CAMTA1: variants seen among roughly 807,000 people sequenced by gnomAD.
CAMTA1 encodes calmodulin-binding transcription activator 1.
A neutral mutation model predicts 170.9 loss-of-function variants in CAMTA1; 27 were observed. The observed-to-expected ratio is 0.16, with a 90% CI of 0.12 to 0.22. The LOEUF is 0.22. CAMTA1 is among the 10% of genes least tolerant of loss of function. The pLI, the probability that CAMTA1 is intolerant of heterozygous loss-of-function variation, is 1.00. For missense variants in CAMTA1, 1,619 were observed against 2,217.2 expected (o/e 0.73, Z 5.42); for synonymous variants, 833 against 891.5 (o/e 0.93, Z 1.17).
chr1:7,651,240 C>T (rs183456769), intron 7 of CAMTA1, among the ~76,000 whole-genome samples: 8 of 152,236 alleles, frequency 5.3e-5, no homozygotes, highest in African/African-American at 7.2e-5. Context: ...GTGGACTGGA[C>T]GAGCCCAGAT....
intron 4 of CAMTA1, among the ~76,000 whole-genome samples, chr1:7,167,953 T>A (rs1648823440): frequency 6.6e-6 from 1 of 152,094 alleles, no homozygotes; most frequent in South Asian, 2.1e-4. Context: ...CTCACTATGT[T>A]GCCCAGACTG....
At chr1:7,189,627 A>G (rs1160599987) in intron 4 of CAMTA1, among the ~76,000 whole-genome samples, 1 of 152,236 alleles carries the variant, frequency 6.6e-6, no homozygotes, top group African/African-American at 2.4e-5. Flanking sequence ...AAAAAATCAA[A>G]CAATAATAGA....
intron 4 of CAMTA1, among the ~76,000 whole-genome samples, chr1:7,152,281 C>A (rs79870337): frequency 0.059 from 9,011 of 152,182 alleles, 375 homozygotes; most frequent in Non-Finnish European, 0.09. Context: ...GAAGCAGTAG[C>A]TCCTACATCT....
chr1:7,088,054 C>A (rs938823210), intron 3 of CAMTA1, among the ~76,000 whole-genome samples: 1 of 152,184 alleles, frequency 6.6e-6, no homozygotes, highest in African/African-American at 2.4e-5. Flanking sequence ...TGGCATTATA[C>A]GGGTAACTCA....
At chr1:7,079,200 T>C (rs1639693150) in intron 3 of CAMTA1, among the ~76,000 whole-genome samples, 1 of 152,100 alleles carries the variant, frequency 6.6e-6, no homozygotes, top group Non-Finnish European at 1.5e-5. Context: ...ATTTCTGGAG[T>C]AAAACGTGCT....
rs139198687 is a variant in CAMTA1 at position 7,142,551 on chromosome 1, G to A, written c.302+51180G>A. Among the ~76,000 whole-genome samples, 168 of 152,294 alleles carry A rather than the reference G, an allele frequency of 1.1e-3. 1 individual carries two copies. The highest frequency in any genetic ancestry group is 7.0e-3 in the East Asian group (36 of 5,178). ...ACCTAATGGGAGATGTTTGTGTCACGGGGTGGATCCTTCATGAATGGCTTG... is the reference window on the plus strand; with the variant it reads ...ACCTAATGGGAGATGTTTGTGTCACAGGGTGGATCCTTCATGAATGGCTTG... On this transcript the variant is annotated intron_variant, in intron 4 of 22. Transcript: ENST00000303635.
Position 7,634,824 on chromosome 1 carries a change from G to C in CAMTA1, c.511-5576G>C, listed in dbSNP as rs747467636. Among the ~76,000 whole-genome samples, 1 of 152,114 alleles carries C rather than the reference G, an allele frequency of 6.6e-6. No homozygotes were observed. The highest frequency in any genetic ancestry group is 1.5e-5 in the Non-Finnish European group (1 of 68,000). On this transcript the variant is annotated intron_variant, in intron 6 of 22. Coordinates refer to ENST00000303635, the MANE Select transcript of CAMTA1 (RefSeq NM_015215.4). This position sits in a 1 kb window ranked among gnomAD's most constrained non-coding sequence, Gnocchi z 6.2. ...TGGTGGTGGTTGGTGGTGGTAGAGC[G>C]GGGCCTCTGTCTCTCCTGACGACAT...
intron 5 of CAMTA1, among the ~76,000 whole-genome samples, chr1:7,421,062 T>C (rs952924239): frequency 6.6e-6 from 1 of 152,212 alleles, no homozygotes; most frequent in African/African-American, 2.4e-5. Flanking sequence ...GGCTGTCTTC[T>C]GGCCTTCATC....
intron 5 of CAMTA1, among the ~76,000 whole-genome samples, chr1:7,377,684 G>T (rs2149042189): frequency 6.6e-6 from 1 of 152,248 alleles, no homozygotes; most frequent in South Asian, 2.1e-4. Flanking sequence ...TTTTGAGGAG[G>T]CCGAGGCAGG....
chr1:7,655,014 AC>A (rs1209160844), intron 7 of CAMTA1, among the ~76,000 whole-genome samples: 2 of 148,040 alleles, frequency 1.4e-5, no homozygotes, highest in Admixed American at 6.7e-5. Flanking sequence ...CTATACACAC[AC>A]CCCTATATAC....
intron 5 of CAMTA1, among the ~76,000 whole-genome samples, chr1:7,334,096 C>CTT (rs1309470969): frequency 1.3e-5 from 2 of 152,122 alleles, no homozygotes; most frequent in Non-Finnish European, 2.9e-5. Context: ...TAAAATAGTA[C>CTT]TTTAGATCTC....
chr1:7,608,107 G>C (rs1004318872), intron 6 of CAMTA1, among the ~76,000 whole-genome samples: 1 of 152,164 alleles, frequency 6.6e-6, no homozygotes, highest in Admixed American at 6.5e-5. Flanking sequence ...CCCATGCTCT[G>C]CTAGTGCAGC....
chr1:7,470,484 G>C (rs2093310470), intron 6 of CAMTA1, among the ~76,000 whole-genome samples: 1 of 152,236 alleles, frequency 6.6e-6, no homozygotes, highest in Non-Finnish European at 1.5e-5. Context: ...AAAAGGATTA[G>C]GTGGGGTCCA....
At chr1:7,661,124 C>G (rs927921747) in intron 7 of CAMTA1, among the ~76,000 whole-genome samples, 5 of 152,234 alleles carry the variant, frequency 3.3e-5, no homozygotes, top group African/African-American at 1.2e-4. Context: ...GATGTCCAGG[C>G]CACGTGGGCC....
At chr1:7,548,304 G>A (rs1289957950) in intron 6 of CAMTA1, among the ~76,000 whole-genome samples, 3 of 152,188 alleles carry the variant, frequency 2.0e-5, no homozygotes, top group Admixed American at 6.5e-5. Flanking sequence ...GCCCTCTTCT[G>A]TAGACTGTGG....
chr1:7,116,014 C>A (rs74464941), intron 4 of CAMTA1, among the ~76,000 whole-genome samples: 1 of 152,184 alleles, frequency 6.6e-6, no homozygotes, highest in Non-Finnish European at 1.5e-5. Flanking sequence ...CCAAATACTT[C>A]GTGGCCCAGT....
At chr1:6,787,863 T>G (rs1639867093) in intron 1 of CAMTA1, among the ~76,000 whole-genome samples, 1 of 152,226 alleles carries the variant, frequency 6.6e-6, no homozygotes, top group Non-Finnish European at 1.5e-5. Flanking sequence ...CTTGATTTCT[T>G]TACTGCAGTG....
At chr1:7,385,634 A>G (rs1479383678) in intron 5 of CAMTA1, among the ~76,000 whole-genome samples, 12 of 152,160 alleles carry the variant, frequency 7.9e-5, no homozygotes, top group Non-Finnish European at 1.6e-4. Flanking sequence ...ACACCAGGAA[A>G]AAATGAGGCT....
At chr1:7,381,984 C>A (rs2087392859) in intron 5 of CAMTA1, among the ~76,000 whole-genome samples, 1 of 152,206 alleles carries the variant, frequency 6.6e-6, no homozygotes, top group African/African-American at 2.4e-5. Context: ...TCATTAGAGT[C>A]CCAGCCTCCA....
Sources: gnomAD v4.1 joint callset for allele counts (sites outside exome capture counted in the v4.1 genomes callset) on GRCh38, gnomAD v4.1.1 for gene constraint, Gnocchi (gnomAD v3.1) non-coding constraint, MANE v1.5 for transcripts, NCBI Gene and HGNC (gene_info 2026-07-23, HGNC 2026-07-21) for gene names.